TTN: variants seen among roughly 807,000 people sequenced by gnomAD.
TTN encodes connectin.
TTN carries 1,525 observed loss-of-function variants against 3,223.0 expected under a neutral mutation model. That is an observed-to-expected ratio of 0.47 (90% CI 0.45 to 0.49). The LOEUF is 0.49. TTN is among the 20% of genes least tolerant of loss of function. TTN has a pLI of 0.00. For synonymous variants in TTN, 14,094 were observed against 15,161.0 expected (o/e 0.93, Z 5.17); for missense variants, 40,786 against 43,424.0 (o/e 0.94, Z 5.40).
In TTN at chr2:178,800,417, C is replaced by T. The variant is rs141444282; in HGVS notation, c.561G>A (p.Ser187=). ...TACCTTGAACCAGTAATTCAGCAGT[C>T]GAAGTAGCTCTTCCAACGCTATTGG... ...NATNSVGRAT[S]TAELLVQGEE... Residue 187 remains serine (S), a synonymous_variant, in exon 4 of 363, where the codon TCG becomes TCA. Coordinates refer to ENST00000589042, the MANE Select transcript of TTN (RefSeq NM_001267550.2). The T allele has an allele frequency of 8.6e-5, 138 of 1,613,960 alleles. No individual in the cohort carries two copies. The highest frequency in any genetic ancestry group is 1.1e-4 in the East Asian group (5 of 44,890).
intron 236 of TTN, among the ~76,000 whole-genome samples, chr2:178,631,735 GTTGATA>G (rs2059832380): frequency 6.6e-6 from 1 of 151,878 alleles, no homozygotes; most frequent in Non-Finnish European, 1.5e-5. Flanking sequence ...GTTTAATCTT[GTTGATA>G]TTAGGTGGCC....
Position 178,542,345 on chromosome 2 carries a change from C to CA in TTN, c.97410dup (p.Val32471CysfsTer19). 6.2e-7 allele frequency: 1 copy of CA among 1,613,452 alleles called. No individual in the cohort carries two copies. The highest frequency in any genetic ancestry group is 8.5e-7 in the Non-Finnish European group (1 of 1,179,650). ...CGGTTTGTTGCAGCCACACGGAACACATACTCATTTCCTTCGGTGAGTCTG... is the reference window on the plus strand; with the variant it reads ...CGGTTTGTTGCAGCCACACGGAACACAATACTCATTTCCTTCGGTGAGTCTG... On this transcript the variant is annotated frameshift_variant, in exon 349 of 363. Transcript: ENST00000589042. LOFTEE classifies it high-confidence loss of function.
intron 43 of TTN, among the ~76,000 whole-genome samples, chr2:178,763,141 T>G (rs1051891631): frequency 6.6e-6 from 1 of 151,914 alleles, no homozygotes; most frequent in Non-Finnish European, 1.5e-5. Context: ...GCTTTGAGAG[T>G]TTCCCTTTGG....
chr2:178,570,601 G>A lies in TTN; in HGVS notation c.75531C>T (p.Val25177=), dbSNP rs748541133. ...CCTTCAGTATGTAATTTCCACTGTC[G>A]ACACGTACTGCATCTTTTACACTGA... ...TSLSVKDAVR[V]DSGNYILKAK... is the part of the protein sequence containing the mutation. The change falls in exon 326 of 363, where the codon GTC becomes GTT. Residue 25177 remains valine, a synonymous_variant. Transcript: ENST00000589042. 1.4e-5 allele frequency: 23 copies of A among 1,613,218 alleles called. No homozygotes were observed. Among genetic ancestry groups the A allele is most frequent in the East Asian group, 2.2e-5 (1 of 44,758 alleles).
chr2:178,553,507 A>C lies in TTN; in HGVS notation c.89498T>G (p.Ile29833Arg). The change falls in exon 334 of 363, where the codon ATA (isoleucine) becomes AGA (arginine). Residue 29833 changes from isoleucine (I) to arginine (R), a missense_variant. Ile to Arg is a moderately conservative substitution (Grantham distance 97, BLOSUM62 -3). Coordinates refer to ENST00000589042, the MANE Select transcript of TTN (RefSeq NM_001267550.2). ...TCAAACCAGTAGGTACATACCAAGTATATCTTTAGCTTGTACAGGTTCATT... is the reference window on the plus strand; with the variant it reads ...TCAAACCAGTAGGTACATACCAAGTCTATCTTTAGCTTGTACAGGTTCATT... ...EMNEPVQAKD[I>R]LEAPEIDLDV... 6.2e-7 allele frequency: 1 copy of C among 1,608,222 alleles called. No homozygotes were observed. Among genetic ancestry groups the C allele is most frequent in the East Asian group, 2.2e-5 (1 of 44,804 alleles).
chr2:178,541,201 G>T, intron 350 of TTN, 81 bp downstream of exon 350: 1 of 1,326,188 alleles, frequency 7.5e-7, no homozygotes, highest in South Asian at 1.7e-5. Context: ...AAAAGTCATA[G>T]AACTATATAT....
chr2:178,730,823 A>G (rs369109265), intron 60 of TTN, 31 bp from the exon 61 acceptor site: 1 of 1,543,642 alleles, frequency 6.5e-7, no homozygotes, highest in East Asian at 2.3e-5. Flanking sequence ...CAACAACAAA[A>G]AAAGGTCAAT....
chr2:178,592,244 C>A lies in TTN; in HGVS notation c.59660G>T (p.Ser19887Ile). 6.2e-7 allele frequency: 1 copy of A among 1,611,702 alleles called. No homozygotes were observed. Among genetic ancestry groups the A allele is most frequent in the Middle Eastern group, 1.7e-4 (1 of 6,050 alleles). Reference sequence around the variant, plus strand: ...GTAACATGAATCTTTCCTAATTTCACTGACTTCCAGATCTCTAGGTGGCCC... The same window carrying A: ...GTAACATGAATCTTTCCTAATTTCAATGACTTCCAGATCTCTAGGTGGCCC... ...KPGPPRDLEV[S>I]EIRKDSCYLT... The change falls in exon 302 of 363, where the codon AGT becomes ATT. Residue 19887 changes from serine (S) to isoleucine (I), a missense_variant. Transcript: ENST00000589042.
At position 178,571,462 on chromosome 2, in the gene TTN, C is replaced by T. The variant is rs1005966306; in HGVS notation, c.74670G>A (p.Gly24890=). ...GCTCTGAATTGAGGTAGGTACTCTT[C>T]CCATATCTGTTTTCAGCTGCAATTC... ...QFRIAAENRY[G]KSTYLNSEPT... is the part of the protein sequence containing the mutation. Residue 24890 remains glycine, a synonymous_variant, in exon 326 of 363, where the codon GGG becomes GGA. Coordinates refer to ENST00000589042, the MANE Select transcript of TTN (RefSeq NM_001267550.2). 2 of 1,613,392 alleles carry T rather than the reference C, an allele frequency of 1.2e-6. No homozygotes were observed. The highest frequency in any genetic ancestry group is 8.5e-7 in the Non-Finnish European group (1 of 1,179,592).
rs1346537219 is a variant in TTN at position 178,574,200 on chromosome 2, T to G, written c.71932A>C (p.Asn23978His). The G allele has an allele frequency of 6.2e-7, 1 of 1,613,494 alleles. No homozygotes were observed. Among genetic ancestry groups the G allele is most frequent in the Non-Finnish European group, 8.5e-7 (1 of 1,179,588 alleles). ...NGRWLKANFS[N>H]ILENEFTVSG... ...ACTGTAAATTCATTCTCCAAAATGT[T>G]GCTGAAGTTGGCCTTCAGCCACCGT... The change falls in exon 326 of 363, where the codon AAC becomes CAC. Residue 23978 changes from asparagine to histidine, a missense_variant. By Grantham distance (68) the Asn-to-His change is moderately conservative (BLOSUM62 1). Coordinates refer to ENST00000589042, the MANE Select transcript of TTN (RefSeq NM_001267550.2).
chr2:178,697,930 G>C (rs761454620), intron 112 of TTN, among the ~76,000 whole-genome samples: 1 of 152,142 alleles, frequency 6.6e-6, no homozygotes, highest in Admixed American at 6.5e-5. Context: ...AAGACCAGCT[G>C]TTGGGTACTT....
intron 47 of TTN, chr2:178,749,177 T>C: frequency 6.2e-7 from 1 of 1,611,678 alleles, no homozygotes; most frequent in Non-Finnish European, 8.5e-7. Flanking sequence ...TTGTACATTT[T>C]CCTTTTCTGA....
intron 326 of TTN, 78 bp downstream of exon 326, chr2:178,559,233 A>G: frequency 7.5e-7 from 1 of 1,324,830 alleles, no homozygotes; most frequent in South Asian, 1.5e-5. Flanking sequence ...AGATGAAATA[A>G]CGACTAATTA....
chr2:178,774,042 C>T lies in TTN; in HGVS notation c.7126G>A (p.Glu2376Lys), dbSNP rs1299039335. 1.9e-6 allele frequency: 3 copies of T among 1,614,088 alleles called. No individual in the cohort carries two copies. The highest frequency in any genetic ancestry group is 1.7e-6 in the Non-Finnish European group (2 of 1,179,976). The change falls in exon 31 of 363, where the codon GAA (glutamate) becomes AAA (lysine). Residue 2376 changes from glutamate to lysine, a missense_variant. Transcript: ENST00000589042. ...ACACTTTCCAAGGAGACTTTAACTT[C>T]AAGCTGAACAATGTCACCCTCACAG... Reference protein sequence around the residue: ...KVCEGDIVQLEVKVSLESVEG... With the variant: ...KVCEGDIVQLKVKVSLESVEG...
chr2:178,550,525 T>C lies in TTN; in HGVS notation c.91565-252A>G, dbSNP rs984800310. On this transcript the variant is annotated intron_variant, in intron 336 of 362. Transcript: ENST00000589042. ...GCATTGCTCTTTGTAAAAAGGAAAG[T>C]GAAACATTTACAGATCATGTACTTC... 7 of 479,582 alleles carry C rather than the reference T, an allele frequency of 1.5e-5. No homozygotes were observed. The Admixed American group carries it at 2.7e-4, about 18-fold the overall frequency. The allele number at this position is 479,582 out of a possible 1,614,324, so 29.7% of individuals were successfully genotyped here.
chr2:178,595,046 G>T (rs746727470), intron 295 of TTN, among the ~76,000 whole-genome samples: 5 of 152,086 alleles, frequency 3.3e-5, no homozygotes, highest in Admixed American at 1.3e-4. Flanking sequence ...CGAGGCAGGT[G>T]GATCACTTGA....
rs200406978 is a variant in TTN at position 178,565,188 on chromosome 2, A to T, written c.80944T>A (p.Phe26982Ile). ...ACAAAGTCTGCACTAACTTCATCAA[A>T]CCGAACTGGGCCAACTGGAGGTCCA... The part of the protein sequence containing the change: ...KPGPPVGPVR[F>I]DEVSADFVVI... Residue 26982 changes from phenylalanine (F) to isoleucine (I), a missense_variant, in exon 326 of 363, where the codon TTT (phenylalanine) becomes ATT (isoleucine). Phe to Ile is a conservative substitution (Grantham distance 21, BLOSUM62 0). Coordinates refer to ENST00000589042, the MANE Select transcript of TTN (RefSeq NM_001267550.2). 2 of 1,613,342 alleles carry T rather than the reference A, an allele frequency of 1.2e-6. No homozygotes were observed. The highest frequency in any genetic ancestry group is 3.3e-5 in the Admixed American group (2 of 59,956).
At chr2:178,772,251 T>C (rs2091621927) in intron 33 of TTN, among the ~76,000 whole-genome samples, 1 of 152,210 alleles carries the variant, frequency 6.6e-6, no homozygotes, top group Non-Finnish European at 1.5e-5. Context: ...AGTCTTTTCA[T>C]GGTCCGATCT....
At position 178,635,286 on chromosome 2, in the gene TTN, A is replaced by C. The variant is rs879228460; in HGVS notation, c.41903T>G (p.Leu13968Arg). The C allele has an allele frequency of 6.2e-7, 1 of 1,613,166 alleles. No individual in the cohort carries two copies. Among genetic ancestry groups the C allele is most frequent in the South Asian group, 1.1e-5 (1 of 91,046 alleles). ...AATGGTAACGTCCTCTATTGGTTTA[A>C]GCAGTTCAACTTCACGCTCTGTATT... ...LTLGEREVEL[L>R]KPIEDVTIYE... The change falls in exon 228 of 363, where the codon CTT becomes CGT. Residue 13968 changes from leucine (L) to arginine (R), a missense_variant. Transcript: ENST00000589042.
Sources: allele counts gnomAD v4.1 joint callset (sites outside exome capture counted in the v4.1 genomes callset), GRCh38; gene constraint gnomAD v4.1.1; transcripts MANE v1.5; gene names NCBI Gene and HGNC (gene_info 2026-07-23, HGNC 2026-07-21).